Variants in PLCL2 observed in about 807,000 individuals in gnomAD.
PLCL2 encodes the protein inactive phospholipase C-like protein 2.
A neutral mutation model predicts 79.6 loss-of-function variants in PLCL2; 4 were observed. The observed-to-expected ratio is 0.05, with a 90% CI of 0.02 to 0.11. The LOEUF is 0.11. Ranked by LOEUF, PLCL2 falls within the 10% of genes least tolerant of loss-of-function variation. The pLI is 1.00. For synonymous variants in PLCL2, 484 were observed against 457.7 expected (o/e 1.06, Z -0.73); for missense variants, 895 against 1,291.0 (o/e 0.69, Z 4.70).
chr3:17,034,502 T>C (rs2064621514), intron 3 of PLCL2, among the ~76,000 whole-genome samples: 1 of 152,236 alleles, frequency 6.6e-6, no homozygotes, highest in Admixed American at 6.5e-5. Flanking sequence ...AGGAGGTTCC[T>C]CTGAAAATTT....
intron 1 of PLCL2, among the ~76,000 whole-genome samples, chr3:16,990,046 A>C (rs1013353708): frequency 2.0e-5 from 3 of 152,218 alleles, no homozygotes; most frequent in Non-Finnish European, 1.5e-5. Context: ...GGAATGATAT[A>C]GGCAGAGGAG....
intron 4 of PLCL2, among the ~76,000 whole-genome samples, chr3:17,056,304 C>A (rs2064892000): frequency 6.6e-6 from 1 of 151,946 alleles, no homozygotes; most frequent in African/African-American, 2.4e-5. Flanking sequence ...ATACAAATAC[C>A]AGAAGGTTAT....
intron 3 of PLCL2, among the ~76,000 whole-genome samples, chr3:17,031,874 C>A (rs1231570463): frequency 1.3e-5 from 2 of 150,664 alleles, no homozygotes; most frequent in Non-Finnish European, 2.9e-5. Flanking sequence ...TTTATAATTG[C>A]AGCAGAGTTC....
At chr3:16,906,980 G>T (rs919221852) in intron 1 of PLCL2, among the ~76,000 whole-genome samples, 1 of 152,186 alleles carries the variant, frequency 6.6e-6, no homozygotes, top group Non-Finnish European at 1.5e-5. Context: ...GAGTTTAAGA[G>T]ATCATTCTTA....
intron 1 of PLCL2, among the ~76,000 whole-genome samples, chr3:16,919,815 GTTC>G (rs1376779469): frequency 1.3e-5 from 2 of 152,214 alleles, no homozygotes; most frequent in East Asian, 3.9e-4. Context: ...ATGCATAAGT[GTTC>G]TTCTTGGGAA....
intron 1 of PLCL2, among the ~76,000 whole-genome samples, chr3:16,937,195 A>G (rs1485184694): frequency 1.3e-5 from 2 of 152,182 alleles, no homozygotes; most frequent in East Asian, 1.9e-4. Flanking sequence ...CGGAGTTTGT[A>G]TTTGACTTTT....
intron 4 of PLCL2, among the ~76,000 whole-genome samples, chr3:17,060,134 G>A (rs2064935929): frequency 6.6e-6 from 1 of 152,184 alleles, no homozygotes; most frequent in African/African-American, 2.4e-5. Context: ...ACGTGGTTGT[G>A]TGTTTAGAAT....
In PLCL2 at chr3:17,039,830, A is replaced by T. The variant is rs1301192472; in HGVS notation, c.3019-3044A>T. 5.3e-5 allele frequency among the ~76,000 whole-genome samples: 8 copies of T among 152,212 alleles called. No homozygotes were observed. The South Asian group carries it at 1.7e-3, about 32-fold the overall frequency. On this transcript the variant is annotated intron_variant, in intron 3 of 5. Coordinates refer to ENST00000615277, the MANE Select transcript of PLCL2 (RefSeq NM_001144382.2). ...ACCCTGAAGTATTAGTCATCTTCAT[A>T]TTTTATATACTACTCATGAATCGGG...
At chr3:17,034,505 G>A (rs1225142149) in intron 3 of PLCL2, among the ~76,000 whole-genome samples, 3 of 152,164 alleles carry the variant, frequency 2.0e-5, no homozygotes, top group Admixed American at 6.5e-5. Context: ...AGGTTCCTCT[G>A]AAAATTTTCA....
intron 1 of PLCL2, among the ~76,000 whole-genome samples, chr3:16,949,705 T>C (rs2063633794): frequency 1.3e-5 from 2 of 152,212 alleles, no homozygotes; most frequent in African/African-American, 4.8e-5. Flanking sequence ...GTTGCCGTCT[T>C]GAAAGTCGTG....
chr3:17,021,087 A>G (rs913531708), intron 3 of PLCL2, among the ~76,000 whole-genome samples: 3 of 152,148 alleles, frequency 2.0e-5, no homozygotes, highest in Non-Finnish European at 4.4e-5. Context: ...TGTCGACACT[A>G]CCAACTTTTA....
At chr3:16,990,120 C>T (rs981546807) in intron 1 of PLCL2, among the ~76,000 whole-genome samples, 4 of 138,174 alleles carry the variant, frequency 2.9e-5, no homozygotes, top group South Asian at 2.4e-4. Context: ...ATGACGATGA[C>T]GATGATGGTG....
At chr3:17,052,196 G>C (rs2064848252) in intron 4 of PLCL2, among the ~76,000 whole-genome samples, 1 of 136,276 alleles carries the variant, frequency 7.3e-6, no homozygotes, top group South Asian at 2.4e-4. Context: ...ATTTATAACA[G>C]AGCTGCTGAA....
intron 1 of PLCL2, among the ~76,000 whole-genome samples, chr3:16,927,611 T>C (rs573974614): frequency 5.3e-5 from 8 of 152,300 alleles, no homozygotes; most frequent in South Asian, 4.1e-4. Context: ...CTGGGCACCA[T>C]TGACAATTTT....
chr3:17,027,102 T>G (rs1262053514), intron 3 of PLCL2, among the ~76,000 whole-genome samples: 1 of 152,138 alleles, frequency 6.6e-6, no homozygotes, highest in Non-Finnish European at 1.5e-5. Flanking sequence ...TGTTTATTCT[T>G]TTAAAATACC....
chr3:17,060,916 A>G (rs764192922), intron 4 of PLCL2, among the ~76,000 whole-genome samples: 17 of 152,146 alleles, frequency 1.1e-4, no homozygotes, highest in African/African-American at 1.9e-4. Flanking sequence ...TTGTTTTTTA[A>G]TCTATACACA....
chr3:16,937,412 A>T (rs1325084957), intron 1 of PLCL2, among the ~76,000 whole-genome samples: 1 of 152,220 alleles, frequency 6.6e-6, no homozygotes, highest in African/African-American at 2.4e-5. Flanking sequence ...GACTGATCTC[A>T]GTTGAGTTCA....
At position 17,040,638 on chromosome 3, in the gene PLCL2, A is replaced by G. The variant is rs559392794; in HGVS notation, c.3019-2236A>G. Among the ~76,000 whole-genome samples, 38 of 152,260 alleles carry G rather than the reference A, an allele frequency of 2.5e-4. No individual in the cohort carries two copies. The South Asian group carries it at 6.6e-3, about 27-fold the overall frequency. On this transcript the variant is annotated intron_variant, in intron 3 of 5. Transcript: ENST00000615277. ...CGCTCCTCACACATCCTTTCATTTAATCCTCACATTATGAGGTGTAATGTC... is the reference window on the plus strand; with the variant it reads ...CGCTCCTCACACATCCTTTCATTTAGTCCTCACATTATGAGGTGTAATGTC...
intron 1 of PLCL2, among the ~76,000 whole-genome samples, chr3:16,917,535 G>A (rs1039515219): frequency 1.3e-5 from 2 of 152,134 alleles, no homozygotes; most frequent in African/African-American, 4.8e-5. Flanking sequence ...TCACTTCCAG[G>A]ATGGCTTCCA....
Sources: gnomAD v4.1 joint callset for allele counts (sites outside exome capture counted in the v4.1 genomes callset) on GRCh38, gnomAD v4.1.1 for gene constraint, MANE v1.5 for transcripts, NCBI Gene and HGNC (gene_info 2026-07-23, HGNC 2026-07-21) for gene names.